The following ITGA8 variants were observed in gnomAD, a reference collection of about 807,000 sequenced individuals.
ITGA8 encodes the protein integrin alpha-8.
In ITGA8, 91 loss-of-function variants were observed where a neutral mutation model predicts 142.3. The ratio of observed to expected loss-of-function variants is 0.64; its 90% confidence interval spans 0.54 to 0.76. The LOEUF (loss-of-function observed/expected upper bound fraction) is 0.76, where lower values mean the gene tolerates loss of function less well. Among genes scored for constraint, ITGA8 ranks in the 30% least tolerant of loss-of-function variants. ITGA8 has a pLI of 0.00. For missense variants in ITGA8, 1,406 were observed against 1,327.7 expected (o/e 1.06, Z -0.92); for synonymous variants, 505 against 485.2 (o/e 1.04, Z -0.54).
intron 24 of ITGA8, 29 bp downstream of exon 24, chr10:15,575,460 A>C: frequency 6.8e-7 from 1 of 1,472,750 alleles, no homozygotes; most frequent in East Asian, 2.3e-5. Flanking sequence ...ATAAACCCCT[A>C]ACACAACTTT....
At chr10:15,602,604 G>C (rs1046415065) in intron 20 of ITGA8, among the ~76,000 whole-genome samples, 1 of 152,090 alleles carries the variant, frequency 6.6e-6, no homozygotes, top group African/African-American at 2.4e-5. Context: ...CAGGCATGGT[G>C]GTGCACACCC....
At chr10:15,614,837 C>T (rs1363001985) in intron 14 of ITGA8, among the ~76,000 whole-genome samples, 1 of 152,098 alleles carries the variant, frequency 6.6e-6, no homozygotes, top group African/African-American at 2.4e-5. Context: ...ATTTTGCTTT[C>T]AATACCGTGT....
chr10:15,647,141 A>C (rs965715692), intron 11 of ITGA8, 90 bp from the exon 12 acceptor site: 1 of 974,518 alleles, frequency 1.0e-6, no homozygotes. Context: ...GTAAATTTCC[A>C]TTGGTATTTT....
chr10:15,549,201 G>GTTTTT lies in ITGA8; in HGVS notation c.2767-638_2767-634dup, dbSNP rs67683436. Among the ~76,000 whole-genome samples the GTTTTT allele has an allele frequency of 2.2e-4, 24 of 107,334 alleles. 2 individuals carry two copies. The highest frequency in any genetic ancestry group is 1.2e-3 in the African/African-American group (22 of 18,668). The allele number at this position is 107,334 out of a possible 152,430, so 70.4% of individuals were successfully genotyped here. A position where few individuals can be genotyped will look rare whatever the true frequency, so the allele number is the denominator to read the frequency against. ...TTCTTTCTTTTTTCTTTTCTTTTCT[G>GTTTTT]TTTTTTTTTTTTTTTTTTTTTTTTT... On this transcript the variant is annotated intron_variant, in intron 26 of 29. Transcript: ENST00000378076.
chr10:15,610,941 T>A (rs573785519), intron 15 of ITGA8, among the ~76,000 whole-genome samples: 1 of 152,194 alleles, frequency 6.6e-6, no homozygotes, highest in African/African-American at 2.4e-5. Context: ...TTAATATTTA[T>A]TGAGCTGGCT....
intron 2 of ITGA8, among the ~76,000 whole-genome samples, chr10:15,698,011 C>T (rs1379889633): frequency 6.6e-6 from 1 of 152,164 alleles, no homozygotes; most frequent in Admixed American, 6.6e-5. Context: ...ACCCATCACC[C>T]AAGCAGCGTA....
chr10:15,698,651 C>G (rs955526217), intron 2 of ITGA8, among the ~76,000 whole-genome samples: 7 of 152,080 alleles, frequency 4.6e-5, no homozygotes, highest in Non-Finnish European at 1.0e-4. Flanking sequence ...TTTGCATTTC[C>G]CTGATCATTA....
chr10:15,649,144 A>G (rs934648795), intron 11 of ITGA8, among the ~76,000 whole-genome samples: 8 of 152,144 alleles, frequency 5.3e-5, no homozygotes, highest in African/African-American at 1.9e-4. Context: ...GTGAGTGTCT[A>G]GACATGCTTG....
chr10:15,655,469 C>A, intron 10 of ITGA8, 63 bp from the exon 11 acceptor site: 1 of 1,061,464 alleles, frequency 9.4e-7, no homozygotes, highest in South Asian at 1.3e-5. Context: ...AGTCATGTCT[C>A]TATTATTCCT....
At chr10:15,717,973 C>G (rs1471509753) in intron 2 of ITGA8, among the ~76,000 whole-genome samples, 1 of 152,206 alleles carries the variant, frequency 6.6e-6, no homozygotes, top group Non-Finnish European at 1.5e-5. Context: ...TTCAAGCTGA[C>G]ATATTCGCAT....
chr10:15,551,625 A>T (rs1352769806), intron 26 of ITGA8, among the ~76,000 whole-genome samples: 1 of 152,206 alleles, frequency 6.6e-6, no homozygotes, highest in East Asian at 1.9e-4. Flanking sequence ...TGTTTTAGAT[A>T]CAAATTTTTC....
At chr10:15,523,318 G>GT (rs888880356) in intron 28 of ITGA8, among the ~76,000 whole-genome samples, 156 of 150,944 alleles carry the variant, frequency 1.0e-3, no homozygotes, top group African/African-American at 3.7e-3. Flanking sequence ...GACATTTAAA[G>GT]TTTTTTTTGT....
In ITGA8 at chr10:15,515,734, G is replaced by A. The variant is rs940614444; in HGVS notation, c.*1424C>T. ...TTATTAAAAAAGGATACAAAATTGT[G>A]CAGACTACCTATAAATTTGGCTGGT... On this transcript the variant is annotated 3_prime_UTR_variant, in exon 30 of 30. Coordinates refer to ENST00000378076, the MANE Select transcript of ITGA8 (RefSeq NM_003638.3). The A allele has an allele frequency of 4.6e-5, 7 of 151,962 alleles. No homozygotes were observed. The highest frequency in any genetic ancestry group is 8.8e-5 in the Non-Finnish European group (6 of 68,014). The allele number at this position is 151,962 out of a possible 1,614,324, so 9.4% of individuals were successfully genotyped here.
In ITGA8 at chr10:15,704,559, A is replaced by AT. The variant is rs368728058; in HGVS notation, c.343+14206dup. Among the ~76,000 whole-genome samples the AT allele has an allele frequency of 1.5e-3, 228 of 152,046 alleles. 1 individual carries two copies. The highest frequency in any genetic ancestry group is 5.3e-3 in the African/African-American group (219 of 41,460). The stretch of plus-strand genomic sequence containing the variant: ...CTTTCATACTTTCTTTCACCTCTAG[A>AT]TTTTTTTCACACTTGGAATAATTAC... On this transcript the variant is annotated intron_variant, in intron 2 of 29. Coordinates refer to ENST00000378076, the MANE Select transcript of ITGA8 (RefSeq NM_003638.3).
chr10:15,649,427 G>A (rs57901439), intron 11 of ITGA8, among the ~76,000 whole-genome samples: 3 of 151,784 alleles, frequency 2.0e-5, no homozygotes, highest in East Asian at 1.9e-4. Context: ...TCAGGAGTTC[G>A]AGACCAGCCT....
chr10:15,712,366 G>C (rs1835378293), intron 2 of ITGA8, among the ~76,000 whole-genome samples: 1 of 152,100 alleles, frequency 6.6e-6, no homozygotes, highest in South Asian at 2.1e-4. Context: ...CAGATCACTT[G>C]AAGTCAGGAG....
chr10:15,585,826 A>G (rs541346196), intron 23 of ITGA8, among the ~76,000 whole-genome samples: 18 of 152,270 alleles, frequency 1.2e-4, no homozygotes, highest in African/African-American at 4.3e-4. Flanking sequence ...ACCAAAGAAA[A>G]AAGATGTAAA....
rs534714654 is a variant in ITGA8 at position 15,657,509 on chromosome 10, C to CTT, written c.948+1489_948+1490insAA. Among the ~76,000 whole-genome samples the CTT allele has an allele frequency of 4.3e-3, 506 of 116,466 alleles. 26 individuals are homozygous for CTT. The highest frequency in any genetic ancestry group is 0.013 in the African/African-American group (414 of 31,330). 76.4% of individuals were successfully genotyped at this position (116,466 alleles called of 152,430 possible). A position where few individuals can be genotyped will look rare whatever the true frequency, so the allele number is the denominator to read the frequency against. On this transcript the variant is annotated intron_variant, in intron 10 of 29. Transcript: ENST00000378076. ...CTGCTGGTTTCTTTTTCTTTTCTTTCATTTTTTTTTTTTTTTTTTTTTAAC... is the reference window on the plus strand; with the variant it reads ...CTGCTGGTTTCTTTTTCTTTTCTTTCTTATTTTTTTTTTTTTTTTTTTTTAAC...
chr10:15,644,466 A>AGAATT (rs1564388843), intron 12 of ITGA8, among the ~76,000 whole-genome samples: 6 of 24,818 alleles, frequency 2.4e-4, no homozygotes, highest in East Asian at 3.5e-3. Context: ...ATATATATAT[A>AGAATT]TATATATATA....
Sources: gnomAD v4.1 joint callset for allele counts (sites outside exome capture counted in the v4.1 genomes callset) on GRCh38, gnomAD v4.1.1 for gene constraint, MANE v1.5 for transcripts, NCBI Gene and HGNC (gene_info 2026-07-23, HGNC 2026-07-21) for gene names.